Variants in STK3 observed in about 807,000 individuals in gnomAD.
The protein encoded by STK3 is serine/threonine kinase 3, also known as serine/threonine-protein kinase 3.
STK3 carries 41 observed loss-of-function variants against 58.0 expected under a neutral mutation model. The observed-to-expected ratio is 0.71, with a 90% CI of 0.55 to 0.92. STK3 has a LOEUF of 0.92. Among genes scored for constraint, STK3 ranks in the 40% least tolerant of loss-of-function variants. The pLI is 0.00. For synonymous variants in STK3, 170 were observed against 191.0 expected, an observed-to-expected ratio of 0.89 and a Z score of 0.91; for missense variants, 479 against 602.7, an observed-to-expected ratio of 0.79 and a Z score of 2.15.
rs576776574 is a variant in STK3, at chr8:98,844,975, T to C, written c.110+38672A>G. ...GCTTTCACGTGACAAAAACTGACAA[T>C]GGTTGGAGCAGAGCATCCCAGTGGC... On this transcript the variant is annotated intron_variant, in intron 3 of 12. Transcript: ENST00000523601. Among the ~76,000 whole-genome samples, 20 of 152,298 alleles carry C rather than the reference T, an allele frequency of 1.3e-4. No homozygotes were observed. In the East Asian group the frequency reaches 3.9e-3, roughly 29 times the overall value.
At chr8:98,389,199 T>G (rs1028284709), upstream of STK3, among the ~76,000 whole-genome samples, 2 of 152,170 alleles carry the variant, frequency 1.3e-5, no homozygotes, top group Non-Finnish European at 2.9e-5. Context: ...CTCCAGCCTG[T>G]TTCACCTTCT....
intron 1 of STK3, among the ~76,000 whole-genome samples, chr8:98,811,382 G>A (rs1313699744): frequency 6.6e-6 from 1 of 152,092 alleles, no homozygotes; most frequent in Non-Finnish European, 1.5e-5. Flanking sequence ...GCTACTTAAT[G>A]AGTCATAAGT....
intron 1 of STK3, among the ~76,000 whole-genome samples, chr8:98,813,817 A>G (rs1278005345): frequency 1.3e-5 from 2 of 152,232 alleles, no homozygotes; most frequent in East Asian, 1.9e-4. Context: ...CAAAAATCAC[A>G]AATTCAGAAA....
At chr8:98,712,762 C>G (rs1826597980) in intron 4 of STK3, among the ~76,000 whole-genome samples, 1 of 152,152 alleles carries the variant, frequency 6.6e-6, no homozygotes, top group Non-Finnish European at 1.5e-5. Flanking sequence ...AGGAATTGAA[C>G]TCAGCTGTGC....
intron 6 of STK3, among the ~76,000 whole-genome samples, chr8:98,667,454 A>T (rs1367050398): frequency 1.3e-5 from 2 of 152,150 alleles, no homozygotes; most frequent in African/African-American, 2.4e-5. Context: ...TCTAACTGAT[A>T]CTACTATAAA....
rs189348560 is a variant in STK3 at position 98,877,609 on chromosome 8, A to C, written c.110+6038T>G. Among the ~76,000 whole-genome samples the C allele has an allele frequency of 1.5e-3, 225 of 152,030 alleles. 1 individual carries two copies. Among genetic ancestry groups the C allele is most frequent in the African/African-American group, 5.1e-3 (210 of 41,448 alleles). ...AGCGATTCTCCTGCCTCAGCCTCTCAAGTAGCTGGGATTATAGGCATATGC... is the reference window on the plus strand; with the variant it reads ...AGCGATTCTCCTGCCTCAGCCTCTCCAGTAGCTGGGATTATAGGCATATGC... On this transcript the variant is annotated intron_variant, in intron 3 of 12. Coordinates refer to the STK3 transcript ENST00000523601.
intron 4 of STK3, among the ~76,000 whole-genome samples, chr8:98,708,657 T>C (rs935821309): frequency 1.1e-4 from 17 of 152,162 alleles, no homozygotes; most frequent in African/African-American, 3.6e-4. Flanking sequence ...TATGCATGCA[T>C]TCTCTCATTT....
At chr8:98,704,242 C>CT (rs1825809217) in intron 6 of STK3, among the ~76,000 whole-genome samples, 1 of 152,152 alleles carries the variant, frequency 6.6e-6, no homozygotes, top group African/African-American at 2.4e-5. Flanking sequence ...AAAGGCAGTA[C>CT]TTGTTACCAG....
In STK3 at chr8:98,653,028, C is replaced by T. The variant is rs192980651; in HGVS notation, c.684+53439G>A. Among the ~76,000 whole-genome samples, 242 of 152,318 alleles carry T rather than the reference C, an allele frequency of 1.6e-3. 1 individual carries two copies. The highest frequency in any genetic ancestry group is 5.5e-3 in the African/African-American group (229 of 41,566). ...CTCCACCCCAAATCAACAGAATATA[C>T]ATTTCTTTCAGCACCACACCACACC... On this transcript the variant is annotated intron_variant, in intron 6 of 10. Coordinates refer to ENST00000419617, the MANE Select transcript of STK3 (RefSeq NM_006281.4).
downstream of STK3, among the ~76,000 whole-genome samples, chr8:98,370,342 A>AGTGTGTGTGTGTGTGT (rs35062643): frequency 2.2e-5 from 3 of 138,524 alleles, no homozygotes; most frequent in Non-Finnish European, 3.1e-5. Flanking sequence ...TGACCTCTGC[A>AGTGTGTGTGTGTGTGT]GTGTGTGTGT....
In STK3 at chr8:98,895,499, C is replaced by T. The variant is rs561244992; in HGVS notation, c.-78-11665G>A. On this transcript the variant is annotated intron_variant, in intron 1 of 1. Transcript: ENST00000519420. ...TTGAGCTTGGCCAATCAGGACAAGG[C>T]ATTCTTTTGACTGATTACTGGGTGA... 1.6e-4 allele frequency among the ~76,000 whole-genome samples: 24 copies of T among 152,232 alleles called. No homozygotes were observed. The East Asian group carries it at 4.3e-3, about 27-fold the overall frequency.
chr8:98,896,862 C>T (rs755358562), intron 1 of STK3, among the ~76,000 whole-genome samples: 17 of 152,096 alleles, frequency 1.1e-4, no homozygotes, highest in Admixed American at 3.3e-4. Flanking sequence ...GCCTGTAATC[C>T]TAGCTACTCG....
chr8:98,763,537 TG>T (rs1830761432), intron 3 of STK3, among the ~76,000 whole-genome samples: 2 of 152,248 alleles, frequency 1.3e-5, no homozygotes, highest in Admixed American at 6.5e-5. Flanking sequence ...GTGTATTATT[TG>T]GGAATTTTTC....
upstream of STK3, among the ~76,000 whole-genome samples, chr8:98,392,447 C>A (rs1302125372): frequency 1.3e-5 from 2 of 152,162 alleles, no homozygotes; most frequent in Non-Finnish European, 2.9e-5. Flanking sequence ...ATCCTCTGGG[C>A]TCCCCTCCCA....
At chr8:98,807,578 G>C (rs1190721863) in intron 1 of STK3, among the ~76,000 whole-genome samples, 2 of 152,096 alleles carry the variant, frequency 1.3e-5, no homozygotes, top group Non-Finnish European at 2.9e-5. Context: ...TGTTATTTAG[G>C]AGACTGGAAA....
chr8:98,747,017 G>A (rs187673309), intron 4 of STK3, among the ~76,000 whole-genome samples: 44 of 151,138 alleles, frequency 2.9e-4, no homozygotes, highest in Non-Finnish European at 5.9e-4. Context: ...ATTCTAGCCT[G>A]GGCAAAAGAG....
At chr8:98,838,630 C>G (rs987418990) in intron 3 of STK3, among the ~76,000 whole-genome samples, 7 of 152,098 alleles carry the variant, frequency 4.6e-5, no homozygotes, top group Admixed American at 1.3e-4. Context: ...AAAGTAAGCT[C>G]AAATTCAATT....
downstream of STK3, among the ~76,000 whole-genome samples, chr8:98,396,807 C>T (rs1425095357): frequency 5.3e-5 from 8 of 152,216 alleles, no homozygotes; most frequent in Admixed American, 3.3e-4. Flanking sequence ...CTGATGACAA[C>T]CAAGGCAACT....
At chr8:98,608,581 T>C (rs1338250095) in intron 6 of STK3, among the ~76,000 whole-genome samples, 1 of 152,206 alleles carries the variant, frequency 6.6e-6, no homozygotes, top group Non-Finnish European at 1.5e-5. Context: ...AGTAACTGTA[T>C]TTTAATATGC....
Sources: allele counts gnomAD v4.1 joint callset (sites outside exome capture counted in the v4.1 genomes callset), GRCh38; gene constraint gnomAD v4.1.1; transcripts MANE v1.5; gene names NCBI Gene and HGNC (gene_info 2026-07-23, HGNC 2026-07-21).